The following TCL1B variants were observed in gnomAD, a reference collection of about 807,000 sequenced individuals.
TCL1B encodes TCL1 family AKT coactivator B.
A neutral mutation model predicts 16.9 loss-of-function variants in TCL1B; 14 were observed. That is an observed-to-expected ratio of 0.83 (90% confidence interval 0.55 to 1.30). TCL1B has a LOEUF of 1.30. Among genes scored for constraint, TCL1B ranks in the 50% most tolerant of loss-of-function variants. The pLI is 0.00. For missense variants in TCL1B, 166 were observed against 165.2 expected (o/e 1.00, Z -0.03); for synonymous variants, 79 against 66.6 (o/e 1.19, Z -0.91).
intron 1 of TCL1B, among the ~76,000 whole-genome samples, chr14:95,687,723 T>C (rs1323927310): frequency 1.3e-5 from 2 of 151,956 alleles, no homozygotes; most frequent in African/African-American, 2.4e-5. Context: ...GAGGCCGAGA[T>C]GGGCTTATCA....
At chr14:95,687,338 G>A (rs1310079619) in intron 1 of TCL1B, among the ~76,000 whole-genome samples, 2 of 152,158 alleles carry the variant, frequency 1.3e-5, no homozygotes, top group South Asian at 4.1e-4. Flanking sequence ...ATACAGTAGC[G>A]TTTCTGGTGT....
chr14:95,691,634 C>A, intron 3 of TCL1B: 1 of 275,442 alleles, frequency 3.6e-6, no homozygotes, highest in South Asian at 5.7e-5. Flanking sequence ...AAAGACAAGA[C>A]TCTGGGGATG....
At chr14:95,690,340 A>G (rs931135555) in intron 1 of TCL1B, among the ~76,000 whole-genome samples, 2 of 152,170 alleles carry the variant, frequency 1.3e-5, no homozygotes, top group Admixed American at 6.5e-5. Flanking sequence ...GAAGGTCATG[A>G]TCAGAACTGC....
intron 1 of TCL1B, among the ~76,000 whole-genome samples, chr14:95,690,340 A>T (rs931135555): frequency 1.3e-5 from 2 of 152,170 alleles, no homozygotes; most frequent in African/African-American, 4.8e-5. Flanking sequence ...GAAGGTCATG[A>T]TCAGAACTGC....
In TCL1B at chr14:95,686,490, G is replaced by A. The variant is rs774905621; in HGVS notation, c.23G>A (p.Arg8His). The A allele has an allele frequency of 4.4e-6, 7 of 1,608,848 alleles. No homozygotes were observed. In the Admixed American group the frequency reaches 5.0e-5, roughly 12 times the overall value. Residue 8 changes from arginine to histidine, a missense_variant, in exon 1 of 4, where the codon CGT (arginine) becomes CAT (histidine). Transcript: ENST00000340722. MASEASV[R>H]LGVPPGRLWI... is the part of the protein sequence containing the mutation. ...GCCATGGCCTCCGAAGCTTCTGTGCGTCTAGGGGTGCCCCCTGGCCGTCTG... is the reference window on the plus strand; with the variant it reads ...GCCATGGCCTCCGAAGCTTCTGTGCATCTAGGGGTGCCCCCTGGCCGTCTG...
Position 95,688,661 on chromosome 14 carries a change from C to T in TCL1B, c.162+2032C>T, listed in dbSNP as rs535863265. Among the ~76,000 whole-genome samples the T allele has an allele frequency of 4.6e-5, 7 of 152,328 alleles. No homozygotes were observed. The East Asian group carries it at 1.4e-3, about 29-fold the overall frequency. ...ATTCATACTAGCCAAAAGGTGGTGGCAGCCCCAGTGTCCATTGATAGATGA... is the reference window on the plus strand; with the variant it reads ...ATTCATACTAGCCAAAAGGTGGTGGTAGCCCCAGTGTCCATTGATAGATGA... On this transcript the variant is annotated intron_variant, in intron 1 of 3. Coordinates refer to ENST00000340722, the MANE Select transcript of TCL1B (RefSeq NM_004918.4).
intron 1 of TCL1B, among the ~76,000 whole-genome samples, chr14:95,687,883 C>T (rs977838137): frequency 8.2e-5 from 11 of 133,848 alleles, no homozygotes; most frequent in Admixed American, 5.2e-4. Context: ...ACCCGGGAGG[C>T]GAAGCTTGTA....
rs74670462 is a variant in TCL1B, at chr14:95,686,728, G to A, written c.162+99G>A. ...GGGTCAGAGGGGGCCGTTCTCACCC[G>A]CACTGGAAAACTCACTTCTGTGCAG... On this transcript the variant is annotated intron_variant, in intron 1 of 3. Coordinates refer to ENST00000340722, the MANE Select transcript of TCL1B (RefSeq NM_004918.4). 1.9e-4 allele frequency: 256 copies of A among 1,381,128 alleles called. 3 individuals carry two copies. The East Asian group carries it at 5.7e-3, about 31-fold the overall frequency. 85.6% of individuals were successfully genotyped at this position (1,381,128 alleles called of 1,614,324 possible).
intron 1 of TCL1B, among the ~76,000 whole-genome samples, chr14:95,689,679 A>T (rs1276749193): frequency 6.6e-6 from 1 of 152,264 alleles, no homozygotes; most frequent in Non-Finnish European, 1.5e-5. Flanking sequence ...GATGCAAGCC[A>T]GACTTAGTTT....
rs377174647 is a variant in TCL1B at position 95,686,479 on chromosome 14, A to G, written c.12A>G (p.Glu4=). 2 of 1,599,222 alleles carry G rather than the reference A, an allele frequency of 1.3e-6. No individual in the cohort carries two copies. Among genetic ancestry groups the G allele is most frequent in the South Asian group, 2.3e-5 (2 of 88,264 alleles). Residue 4 remains glutamate (E), a synonymous_variant, in exon 1 of 4, where the codon GAA becomes GAG. Coordinates refer to ENST00000340722, the MANE Select transcript of TCL1B (RefSeq NM_004918.4). Reference sequence around the variant, plus strand: ...GTTGCAGACTTGCCATGGCCTCCGAAGCTTCTGTGCGTCTAGGGGTGCCCC... The same window carrying G: ...GTTGCAGACTTGCCATGGCCTCCGAGGCTTCTGTGCGTCTAGGGGTGCCCC... The part of the protein sequence containing the change: MAS[E]ASVRLGVPPG...
intron 3 of TCL1B, chr14:95,691,661 G>A (rs1885889687): frequency 4.1e-6 from 1 of 243,144 alleles, no homozygotes; most frequent in African/African-American, 2.2e-5. Flanking sequence ...ACTTCCTCGA[G>A]ACCATACAGC....
chr14:95,691,017 T>C, intron 2 of TCL1B, 111 bp downstream of exon 2: 1 of 1,340,868 alleles, frequency 7.5e-7, no homozygotes, highest in Non-Finnish European at 1.0e-6. Flanking sequence ...GTCCTCTTCC[T>C]GTTGCTCAAG....
chr14:95,688,986 T>C (rs1420954707), intron 1 of TCL1B, among the ~76,000 whole-genome samples: 1 of 152,226 alleles, frequency 6.6e-6, no homozygotes, highest in Non-Finnish European at 1.5e-5. Flanking sequence ...GCCACCAAAC[T>C]GTACTCTTAA....
chr14:95,691,289 G>A lies in TCL1B; in HGVS notation c.355G>A (p.Val119Ile), dbSNP rs557162850. The change falls in exon 3 of 4, where the codon GTC (valine) becomes ATC (isoleucine). Residue 119 changes from valine to isoleucine, a missense_variant. Val to Ile is a conservative substitution (Grantham distance 29, BLOSUM62 3). Coordinates refer to ENST00000340722, the MANE Select transcript of TCL1B (RefSeq NM_004918.4). ...GCAGATTGACTCTATGGAGCAGCTG[G>A]TCCTAACATATCAGCCGGAGAGGAA... ...HGQIDSMEQL[V>I]LTYQPERKD 1 of 1,613,722 alleles carries A rather than the reference G, an allele frequency of 6.2e-7. No homozygotes were observed. Among genetic ancestry groups the A allele is most frequent in the Non-Finnish European group, 8.5e-7 (1 of 1,180,010 alleles).
At chr14:95,687,252 TGA>T (rs1885780606) in intron 1 of TCL1B, among the ~76,000 whole-genome samples, 1 of 152,068 alleles carries the variant, frequency 6.6e-6, no homozygotes, top group Non-Finnish European at 1.5e-5. Flanking sequence ...GCTCCCCAGG[TGA>T]TAATGATAAT....
intron 2 of TCL1B, 61 bp from the exon 3 acceptor site, chr14:95,691,207 C>A: frequency 6.3e-7 from 1 of 1,581,238 alleles, no homozygotes; most frequent in Non-Finnish European, 8.6e-7. Context: ...CATGGGCGGC[C>A]GTTAAGGCCA....
intron 1 of TCL1B, among the ~76,000 whole-genome samples, chr14:95,687,951 C>CCA (rs370019376): frequency 1.8e-5 from 2 of 108,716 alleles, no homozygotes; most frequent in Admixed American, 1.1e-4. Flanking sequence ...GACTCCGTCC[C>CCA]AAAAAAAAAA....
In TCL1B at chr14:95,691,391, C is replaced by G. The variant is rs10140961; in HGVS notation, c.*15+55C>G. 1.5e-3 allele frequency: 2,365 copies of G among 1,536,976 alleles called. 34 individuals carry two copies. The African/African-American group carries it at 0.029, about 19-fold the overall frequency. On this transcript the variant is annotated intron_variant, in intron 3 of 3. Transcript: ENST00000340722. The stretch of plus-strand genomic sequence containing the variant: ...AGGGATCAGACGAAAGTGAGAAGAC[C>G]TCTCCTCTTTTCAGAAAGACGGCGT...
At chr14:95,689,070 A>C (rs1885824171) in intron 1 of TCL1B, among the ~76,000 whole-genome samples, 1 of 151,996 alleles carries the variant, frequency 6.6e-6, no homozygotes, top group African/African-American at 2.4e-5. Context: ...GCGGATCACA[A>C]GGTCAGGAGA....
Sources: allele counts gnomAD v4.1 joint callset (sites outside exome capture counted in the v4.1 genomes callset), GRCh38; gene constraint gnomAD v4.1.1; transcripts MANE v1.5; gene names NCBI Gene and HGNC (gene_info 2026-07-23, HGNC 2026-07-21).